MMS22L: variants seen among roughly 807,000 people sequenced by gnomAD.
MMS22L encodes protein MMS22-like.
A neutral mutation model predicts 159.1 loss-of-function variants in MMS22L; 74 were observed. The ratio of observed to expected loss-of-function variants is 0.47; its 90% CI spans 0.39 to 0.56. The LOEUF (loss-of-function observed/expected upper bound fraction) is 0.56, where lower values mean the gene tolerates loss of function less well. MMS22L is among the 20% of genes least tolerant of loss of function. The pLI is 0.00. For missense variants in MMS22L, 1,351 were observed against 1,422.1 expected (o/e 0.95, Z 0.80); for synonymous variants, 517 against 506.9 (o/e 1.02, Z -0.27).
chr6:97,191,607 T>C (rs926029156), intron 14 of MMS22L, among the ~76,000 whole-genome samples: 4 of 152,184 alleles, frequency 2.6e-5, no homozygotes, highest in African/African-American at 9.6e-5. Flanking sequence ...GTGAAAAATA[T>C]AATGGAAAAT....
intron 14 of MMS22L, among the ~76,000 whole-genome samples, chr6:97,223,296 C>T (rs1356861602): frequency 6.6e-6 from 1 of 150,618 alleles, no homozygotes; most frequent in African/African-American, 2.4e-5. Flanking sequence ...AGGACTGGTA[C>T]CTATTCCCAC....
Position 97,282,319 on chromosome 6 carries a change from A to T in MMS22L, c.159T>A (p.Leu53=). 1 of 1,613,708 alleles carries T rather than the reference A, an allele frequency of 6.2e-7. No homozygotes were observed. Among genetic ancestry groups the T allele is most frequent in the East Asian group, 2.2e-5 (1 of 44,852 alleles). The part of the protein sequence containing the change: ...SGESYLCSGA[L]KRLILNLDPL... ...TGTCTCTGAGTTTTACCTACCGCTT[A>T]AGGGCTCCGCTGCAGAGGTAGGATT... The change falls in exon 2 of 25, where the codon CTT becomes CTA. Residue 53 remains leucine (L), a synonymous_variant. Coordinates refer to ENST00000683635, the MANE Select transcript of MMS22L (RefSeq NM_001350599.2).
At chr6:97,231,322 T>C (rs1810836935) in intron 13 of MMS22L, 104 bp downstream of exon 13, 1 of 791,586 alleles carries the variant, frequency 1.3e-6, no homozygotes, top group African/African-American at 1.7e-5. Flanking sequence ...AGTAACATTA[T>C]AACTAATTAA....
At chr6:97,224,914 A>G (rs1810058177) in intron 14 of MMS22L, among the ~76,000 whole-genome samples, 1 of 152,176 alleles carries the variant, frequency 6.6e-6, no homozygotes, top group Non-Finnish European at 1.5e-5. Flanking sequence ...TAAAAAGAAA[A>G]GAAAATTAAG....
chr6:97,220,902 T>A (rs895705362), intron 14 of MMS22L, among the ~76,000 whole-genome samples: 5 of 151,550 alleles, frequency 3.3e-5, no homozygotes, highest in African/African-American at 1.2e-4. Flanking sequence ...ATGGTCACTA[T>A]GCTAGAAGTA....
chr6:97,147,199 A>G (rs1800964887), intron 24 of MMS22L, among the ~76,000 whole-genome samples: 2 of 152,176 alleles, frequency 1.3e-5, no homozygotes, highest in Admixed American at 6.6e-5. Context: ...ATATTATTTA[A>G]GGACAATGAT....
At chr6:97,165,486 A>T in intron 20 of MMS22L, 29 bp from the exon 21 acceptor site, 1 of 1,574,296 alleles carries the variant, frequency 6.4e-7, no homozygotes, top group East Asian at 2.3e-5. Context: ...AGAAATACTA[A>T]GAGGTAAAGT....
At chr6:97,214,176 C>T (rs892037776) in intron 14 of MMS22L, among the ~76,000 whole-genome samples, 3 of 152,146 alleles carry the variant, frequency 2.0e-5, no homozygotes, top group Admixed American at 6.5e-5. Flanking sequence ...GTGAATGGTA[C>T]CCTTGAGGTT....
intron 13 of MMS22L, 86 bp from the exon 14 acceptor site, chr6:97,229,489 A>G: frequency 2.2e-6 from 2 of 907,398 alleles, no homozygotes; most frequent in Non-Finnish European, 1.6e-6. Context: ...TTCAATACTC[A>G]TAACAATCTC....
At chr6:97,189,657 T>G (rs1805665994) in intron 14 of MMS22L, among the ~76,000 whole-genome samples, 1 of 149,500 alleles carries the variant, frequency 6.7e-6, no homozygotes, top group African/African-American at 2.5e-5. Flanking sequence ...CAAGGTTGAG[T>G]TAAAACAGCT....
intron 14 of MMS22L, among the ~76,000 whole-genome samples, chr6:97,198,983 T>C (rs1349577172): frequency 6.6e-6 from 1 of 152,152 alleles, no homozygotes; most frequent in African/African-American, 2.4e-5. Flanking sequence ...TATGAACCTA[T>C]GGAGACCACC....
intron 11 of MMS22L, among the ~76,000 whole-genome samples, chr6:97,245,055 A>G (rs1812484766): frequency 6.6e-6 from 1 of 152,060 alleles, no homozygotes; most frequent in Non-Finnish European, 1.5e-5. Flanking sequence ...TGCTCCCTCA[A>G]CAGCCAACAG....
chr6:97,267,765 T>C (rs1815290845), intron 8 of MMS22L, 107 bp downstream of exon 8: 4 of 1,019,942 alleles, frequency 3.9e-6, no homozygotes, highest in East Asian at 6.5e-5. Flanking sequence ...AATATAAAAT[T>C]AGAACATATA....
intron 4 of MMS22L, among the ~76,000 whole-genome samples, chr6:97,273,879 A>G (rs1816000058): frequency 6.6e-6 from 1 of 152,198 alleles, no homozygotes; most frequent in East Asian, 1.9e-4. Context: ...TAAGTAAAAA[A>G]TCTGCTTAAA....
At position 97,179,277 on chromosome 6, in the gene MMS22L, G is replaced by A. The variant is rs983262521; in HGVS notation, c.2536+131C>T. Reference sequence around the variant, plus strand: ...GAAACAGGCTACAAAAGGAAATTAAGTTCTGCTTGTATTCATACCCAATTA... The same window carrying A: ...GAAACAGGCTACAAAAGGAAATTAAATTCTGCTTGTATTCATACCCAATTA... On this transcript the variant is annotated intron_variant, in intron 17 of 24. Transcript: ENST00000683635. 3 of 704,546 alleles carry A rather than the reference G, an allele frequency of 4.3e-6. No individual in the cohort carries two copies. In the African/African-American group the frequency reaches 5.6e-5, roughly 13 times the overall value. 43.6% of individuals were successfully genotyped at this position (704,546 alleles called of 1,614,324 possible).
chr6:97,145,067 A>ACACAC lies in MMS22L; in HGVS notation c.*1738_*1739insGTGTG, dbSNP rs34588294. 5,263 of 124,124 alleles carry ACACAC rather than the reference A, an allele frequency of 0.042. 350 individuals carry two copies. The highest frequency in any genetic ancestry group is 0.057 in the Non-Finnish European group (3,531 of 61,494). 7.7% of individuals were successfully genotyped at this position (124,124 alleles called of 1,614,324 possible). ...ACACACACACACACACACACACACAAAAACACATATACACATAAATAACCT... is the reference window on the plus strand; with the variant it reads ...ACACACACACACACACACACACACAACACACAAACACATATACACATAAATAACCT... On this transcript the variant is annotated 3_prime_UTR_variant, in exon 25 of 25. Transcript: ENST00000683635.
At chr6:97,215,114 A>ATATATATATATATATATATATATATTTTT (rs1209431095) in intron 14 of MMS22L, among the ~76,000 whole-genome samples, 1 of 87,190 alleles carries the variant, frequency 1.1e-5, no homozygotes, top group African/African-American at 3.5e-5. Flanking sequence ...ATATATATAT[A>ATATATATATATATATATATATATATTTTT]TTTTTTTTTT....
intron 14 of MMS22L, among the ~76,000 whole-genome samples, chr6:97,195,125 G>A (rs1806347139): frequency 6.6e-6 from 1 of 152,192 alleles, no homozygotes; most frequent in Non-Finnish European, 1.5e-5. Flanking sequence ...TTAAGAAGGT[G>A]ACATTTGAGC....
intron 14 of MMS22L, among the ~76,000 whole-genome samples, chr6:97,200,717 C>T (rs543131908): frequency 3.0e-4 from 45 of 152,078 alleles, no homozygotes; most frequent in African/African-American, 9.6e-4. Flanking sequence ...AAAAGATCAC[C>T]GATTCAGTAT....
Sources: gnomAD v4.1 joint callset for allele counts (sites outside exome capture counted in the v4.1 genomes callset) on GRCh38, gnomAD v4.1.1 for gene constraint, MANE v1.5 for transcripts, NCBI Gene and HGNC (gene_info 2026-07-23, HGNC 2026-07-21) for gene names.